The following PGM5 variants were observed in gnomAD, a reference collection of about 807,000 sequenced individuals.
The protein encoded by PGM5 is phosphoglucomutase-like protein 5.
In PGM5, 23 loss-of-function variants were observed where a neutral mutation model predicts 59.2. That is an observed-to-expected ratio of 0.39 (90% CI 0.28 to 0.55). PGM5 has a LOEUF of 0.55. PGM5 is among the 20% of genes least tolerant of loss of function. The probability of loss-of-function intolerance (pLI) is 0.66; values close to 1 mark genes in which losing one functional copy is unlikely to be tolerated. For synonymous variants in PGM5, 214 were observed against 286.0 expected (o/e 0.75, Z 2.54); for missense variants, 574 against 748.3 (o/e 0.77, Z 2.72).
At chr9:68,434,446 T>G (rs1282890559) in intron 6 of PGM5, among the ~76,000 whole-genome samples, 4 of 152,062 alleles carry the variant, frequency 2.6e-5, no homozygotes, top group Non-Finnish European at 5.9e-5. Flanking sequence ...TGAGGTCCAC[T>G]CTGCAAAATA....
At chr9:68,388,895 G>A (rs1554679166) in intron 4 of PGM5, among the ~76,000 whole-genome samples, 1 of 138,512 alleles carries the variant, frequency 7.2e-6, no homozygotes, top group Non-Finnish European at 1.7e-5. Flanking sequence ...CTTAGTGTGG[G>A]ACTCTATCTT....
At chr9:68,472,606 A>G (rs1379334483) in intron 7 of PGM5, among the ~76,000 whole-genome samples, 1 of 152,184 alleles carries the variant, frequency 6.6e-6, no homozygotes, top group African/African-American at 2.4e-5. Context: ...ACCCTTAGTG[A>G]GGAGCAAACC....
chr9:68,491,666 C>T (rs1410005483), intron 9 of PGM5, among the ~76,000 whole-genome samples: 3 of 152,152 alleles, frequency 2.0e-5, no homozygotes, highest in Non-Finnish European at 2.9e-5. Flanking sequence ...GAAGGCCAAA[C>T]GCATATTCAG....
intron 6 of PGM5, chr9:68,396,133 T>C (rs1554679953): frequency 6.6e-6 from 1 of 152,114 alleles, no homozygotes; most frequent in East Asian, 1.9e-4. Flanking sequence ...TTAGAAATAA[T>C]TTGTAACATA....
At chr9:68,360,145 T>C (rs1484854331) in intron 1 of PGM5, among the ~76,000 whole-genome samples, 4 of 152,160 alleles carry the variant, frequency 2.6e-5, no homozygotes, top group African/African-American at 4.8e-5. Flanking sequence ...CAAAGCAATG[T>C]TCTAGGAAAA....
intron 10 of PGM5, among the ~76,000 whole-genome samples, chr9:68,518,404 C>T (rs1248332721): frequency 6.6e-6 from 1 of 152,158 alleles, no homozygotes; most frequent in Admixed American, 6.5e-5. Flanking sequence ...ATACACAAAG[C>T]AACACATACC....
intron 10 of PGM5, among the ~76,000 whole-genome samples, chr9:68,514,673 T>G (rs116300271): frequency 4.5e-4 from 69 of 152,280 alleles, no homozygotes; most frequent in African/African-American, 1.5e-3. Flanking sequence ...AGTCCTGTGA[T>G]GGATGACCTT....
In PGM5 at chr9:68,511,542, T is replaced by C. The variant is rs1396085756; in HGVS notation, c.1614+12181T>C. 4.4e-4 allele frequency among the ~76,000 whole-genome samples: 59 copies of C among 134,578 alleles called. 1 individual carries two copies. The highest frequency in any genetic ancestry group is 7.2e-4 in the Non-Finnish European group (46 of 63,530). The allele number at this position is 134,578 out of a possible 152,430, so 88.3% of individuals were successfully genotyped here. A position where few individuals can be genotyped will look rare whatever the true frequency, so the allele number is the denominator to read the frequency against. The stretch of plus-strand genomic sequence containing the variant: ...TGATTGTCACTAATGTTATTGTTTT[T>C]GCCTTTTTTTTTTTTTTTTTTTTTT... On this transcript the variant is annotated intron_variant, in intron 10 of 10. Coordinates refer to ENST00000396396, the MANE Select transcript of PGM5 (RefSeq NM_021965.4).
At chr9:68,528,393 C>T (rs1233051515) in intron 10 of PGM5, among the ~76,000 whole-genome samples, 1 of 152,164 alleles carries the variant, frequency 6.6e-6, no homozygotes, top group East Asian at 1.9e-4. Flanking sequence ...TATAGGCACA[C>T]ACCACTGCAC....
intron 6 of PGM5, among the ~76,000 whole-genome samples, chr9:68,451,719 G>A (rs984017976): frequency 6.6e-6 from 1 of 152,202 alleles, no homozygotes; most frequent in East Asian, 1.9e-4. Context: ...TCTGAAGGGT[G>A]TAGTCTACTT....
intron 1 of PGM5, among the ~76,000 whole-genome samples, chr9:68,365,140 A>C (rs1480084716): frequency 1.4e-5 from 2 of 145,670 alleles, no homozygotes; most frequent in Non-Finnish European, 3.0e-5. Context: ...ATTAATCCTA[A>C]CCCTCTCAGT....
intron 9 of PGM5, among the ~76,000 whole-genome samples, chr9:68,489,621 C>A (rs914198289): frequency 2.6e-5 from 4 of 151,848 alleles, no homozygotes; most frequent in African/African-American, 9.7e-5. Context: ...TGCACCACCA[C>A]GCCCAGCTAA....
intron 6 of PGM5, among the ~76,000 whole-genome samples, chr9:68,448,731 G>A (rs1823651606): frequency 6.6e-6 from 1 of 152,166 alleles, no homozygotes; most frequent in African/African-American, 2.4e-5. Flanking sequence ...GCCAGACCCT[G>A]AACTGAGTTG....
chr9:68,489,035 A>G (rs1824343567), intron 9 of PGM5, among the ~76,000 whole-genome samples: 1 of 152,072 alleles, frequency 6.6e-6, no homozygotes, highest in African/African-American at 2.4e-5. Flanking sequence ...TCATTGTGCA[A>G]ACATCGAGGG....
intron 6 of PGM5, among the ~76,000 whole-genome samples, chr9:68,409,522 A>G (rs1488034355): frequency 1.4e-5 from 2 of 140,476 alleles, no homozygotes; most frequent in African/African-American, 2.7e-5. Flanking sequence ...TGGCACATAT[A>G]CACCATGGAA....
intron 7 of PGM5, chr9:68,466,141 T>A (rs1554685786): frequency 7.7e-7 from 1 of 1,298,728 alleles, no homozygotes; most frequent in Admixed American, 2.4e-5. Context: ...ATTTCTCCCC[T>A]TTTTTCTTCT....
intron 9 of PGM5, among the ~76,000 whole-genome samples, chr9:68,493,203 T>C (rs548305159): frequency 6.6e-5 from 10 of 152,214 alleles, no homozygotes; most frequent in Non-Finnish European, 8.8e-5. Flanking sequence ...TCCAAACTAA[T>C]ATCTGGCAGC....
rs1238800079 is a variant in PGM5 at position 68,487,027 on chromosome 9, G to C, written c.1479+2979G>C. Among the ~76,000 whole-genome samples, 5 of 152,150 alleles carry C rather than the reference G, an allele frequency of 3.3e-5. No homozygotes were observed. In the East Asian group the frequency reaches 9.6e-4, roughly 29 times the overall value. On this transcript the variant is annotated intron_variant, in intron 9 of 10. Transcript: ENST00000396396. ...TTTAAATTAAGATAGAAGGAGATTT[G>C]ATTTCTATAAGGAGAAACAGAACTA...
At chr9:68,494,642 T>TA (rs782553746) in intron 9 of PGM5, among the ~76,000 whole-genome samples, 1 of 152,168 alleles carries the variant, frequency 6.6e-6, no homozygotes, top group Non-Finnish European at 1.5e-5. Context: ...ATTTTGCAAT[T>TA]AATGAGCTAA....
Sources: allele counts gnomAD v4.1 joint callset (sites outside exome capture counted in the v4.1 genomes callset), GRCh38; gene constraint gnomAD v4.1.1; transcripts MANE v1.5; gene names NCBI Gene and HGNC (gene_info 2026-07-23, HGNC 2026-07-21).